The following AZIN2 variants were observed in gnomAD, a reference collection of about 807,000 sequenced individuals.
AZIN2 encodes antizyme inhibitor 2, also known as ODC antizyme inhibitor-2.
In AZIN2, 28 loss-of-function variants were observed where a neutral mutation model predicts 47.8. That is an observed-to-expected ratio of 0.59 (90% CI 0.43 to 0.80). The LOEUF (loss-of-function observed/expected upper bound fraction) is 0.80, where lower values mean the gene tolerates loss of function less well. AZIN2 is among the 30% of genes least tolerant of loss of function. The pLI, the probability that AZIN2 is intolerant of heterozygous loss-of-function variation, is 0.00. For synonymous variants in AZIN2, 221 were observed against 239.4 expected, an observed-to-expected ratio of 0.92 and a Z score of 0.71; for missense variants, 535 against 582.5, an observed-to-expected ratio of 0.92 and a Z score of 0.84.
At chr1:33,093,483 T>C (rs1642803105) in intron 7 of AZIN2, 67 bp downstream of exon 7, 1 of 1,572,386 alleles carries the variant, frequency 6.4e-7, no homozygotes, top group South Asian at 1.2e-5. Context: ...CAGGAATTAA[T>C]TCTATATGAG....
intron 10 of AZIN2, among the ~76,000 whole-genome samples, chr1:33,100,444 A>G (rs1643592010): frequency 6.6e-6 from 1 of 151,808 alleles, no homozygotes; most frequent in Non-Finnish European, 1.5e-5. Context: ...TTTTATTTTT[A>G]TAAATTCAGC....
the AZIN2 span, among the ~76,000 whole-genome samples, chr1:33,128,858 A>G: frequency 6.6e-6 from 1 of 152,220 alleles, no homozygotes; most frequent in Non-Finnish European, 1.5e-5. Context: ...TTCATTTGAG[A>G]TCTTTTCAGA....
chr1:33,108,044 G>A (rs143764143), intron 10 of AZIN2, among the ~76,000 whole-genome samples: 164 of 152,236 alleles, frequency 1.1e-3, no homozygotes, highest in Non-Finnish European at 1.7e-3. Context: ...GAAGAAAGCT[G>A]GAGGCATCAC....
chr1:33,151,897 G>A, the AZIN2 span, among the ~76,000 whole-genome samples: 1 of 152,246 alleles, frequency 6.6e-6, no homozygotes, highest in Non-Finnish European at 1.5e-5. Flanking sequence ...GCAGTGAGTG[G>A]ATTGTGTTTC....
chr1:33,100,564 C>T (rs1030077724), intron 10 of AZIN2, among the ~76,000 whole-genome samples: 14 of 148,322 alleles, frequency 9.4e-5, no homozygotes, highest in African/African-American at 2.2e-4. Context: ...GATAGAAACA[C>T]GTGTGTGTGT....
chr1:33,096,214 A>C (rs1354321270), intron 8 of AZIN2, among the ~76,000 whole-genome samples: 1 of 152,244 alleles, frequency 6.6e-6, no homozygotes, highest in Non-Finnish European at 1.5e-5. Flanking sequence ...GTGGATCATC[A>C]TAAAGGTCTT....
At chr1:33,094,397 G>T in intron 7 of AZIN2, 151 bp from the exon 8 acceptor site, 1 of 805,294 alleles carries the variant, frequency 1.2e-6, no homozygotes, top group Non-Finnish European at 1.9e-6. Context: ...ATGGCCCTTG[G>T]CAACCCATTG....
At chr1:33,147,546 C>T in the AZIN2 span, 1 of 1,614,072 alleles carries the variant, frequency 6.2e-7, no homozygotes, top group Non-Finnish European at 8.5e-7. This position sits in a 1 kb window ranked among gnomAD's most constrained non-coding sequence, Gnocchi z 8.1. Context: ...CCACCACCTC[C>T]CAGTAGTGGA....
At chr1:33,131,680 G>C in the AZIN2 span, among the ~76,000 whole-genome samples, 1 of 151,404 alleles carries the variant, frequency 6.6e-6, no homozygotes, top group African/African-American at 2.4e-5. Context: ...TTTTAAATTA[G>C]TGAAATTAAT....
At chr1:33,094,444 G>A in intron 7 of AZIN2, 104 bp from the exon 8 acceptor site, 2 of 1,208,876 alleles carry the variant, frequency 1.7e-6, no homozygotes. Flanking sequence ...TCTGTAAAAT[G>A]GGCACAGTGT....
intron 7 of AZIN2, among the ~76,000 whole-genome samples, chr1:33,094,132 G>A (rs78973699): frequency 6.6e-6 from 1 of 152,210 alleles, no homozygotes; most frequent in Admixed American, 6.5e-5. Flanking sequence ...CTGTACTTAG[G>A]TGTGCCAGGT....
At chr1:33,093,093 C>G in intron 6 of AZIN2, 189 bp from the exon 7 acceptor site, 2 of 707,650 alleles carry the variant, frequency 2.8e-6, no homozygotes, top group Non-Finnish European at 4.5e-6. Context: ...AGGAATGGGT[C>G]AGGGACATTT....
In AZIN2 at chr1:33,083,334, G is replaced by A. The variant is rs933447721; in HGVS notation, c.106-620G>A. 17 of 158,192 alleles carry A rather than the reference G, an allele frequency of 1.1e-4. No individual in the cohort carries two copies. The South Asian group carries it at 3.0e-3, about 28-fold the overall frequency. The allele number at this position is 158,192 out of a possible 1,614,324, so 9.8% of individuals were successfully genotyped here. A position where few individuals can be genotyped will look rare whatever the true frequency, so the allele number is the denominator to read the frequency against. On this transcript the variant is annotated intron_variant, in intron 4 of 11. Coordinates refer to ENST00000294517, the MANE Select transcript of AZIN2 (RefSeq NM_052998.4). ...GTCCCTTCCACATTTAAGTAATGTG[G>A]TCTCACCCACAGCCTCATACATGTT...
chr1:33,091,535 C>G (rs552213705), intron 5 of AZIN2, among the ~76,000 whole-genome samples: 1 of 94,780 alleles, frequency 1.1e-5, no homozygotes, highest in African/African-American at 4.5e-5. Flanking sequence ...CCACTGCGCC[C>G]TGTCCTATTT....
the AZIN2 span, among the ~76,000 whole-genome samples, chr1:33,159,209 G>A: frequency 1.3e-5 from 2 of 152,040 alleles, no homozygotes; most frequent in Non-Finnish European, 2.9e-5. The surrounding 1 kb of genome is among the most constrained non-coding windows in gnomAD (Gnocchi z 4.2). Context: ...AAGGGACTGA[G>A]AGGGTTACAG....
the AZIN2 span, among the ~76,000 whole-genome samples, chr1:33,133,340 T>C: frequency 6.6e-6 from 1 of 152,244 alleles, no homozygotes; most frequent in African/African-American, 2.4e-5. Flanking sequence ...CACTCTTAAA[T>C]GTCACACCTT....
At chr1:33,133,485 G>A in the AZIN2 span, among the ~76,000 whole-genome samples, 2 of 152,126 alleles carry the variant, frequency 1.3e-5, no homozygotes. Flanking sequence ...ATGGTGGGCT[G>A]GGGCAGGTGA....
the AZIN2 span, among the ~76,000 whole-genome samples, chr1:33,153,411 A>G: frequency 2.0e-5 from 3 of 152,148 alleles, no homozygotes; most frequent in African/African-American, 7.2e-5. Flanking sequence ...AACTGGGCCA[A>G]TTTTGCTTCC....
intron 10 of AZIN2, among the ~76,000 whole-genome samples, chr1:33,111,247 T>C (rs1322152449): frequency 1.3e-5 from 2 of 152,244 alleles, no homozygotes; most frequent in African/African-American, 2.4e-5. Flanking sequence ...TGAACTTTAA[T>C]TACTAATGTT....
Sources: gnomAD v4.1 joint callset for allele counts (sites outside exome capture counted in the v4.1 genomes callset) on GRCh38, gnomAD v4.1.1 for gene constraint, Gnocchi (gnomAD v3.1) non-coding constraint, MANE v1.5 for transcripts, NCBI Gene and HGNC (gene_info 2026-07-23, HGNC 2026-07-21) for gene names.